Variants in PSMD1 observed in about 807,000 individuals in gnomAD.
PSMD1 encodes proteasome 26S subunit, non-ATPase 1, also known as 26S proteasome non-ATPase regulatory subunit 1.
In PSMD1, 18 loss-of-function variants were observed where a neutral mutation model predicts 119.0. That is an observed-to-expected ratio of 0.15 (90% CI 0.10 to 0.22). The LOEUF (loss-of-function observed/expected upper bound fraction) is 0.22, where lower values mean the gene tolerates loss of function less well. Ranked by LOEUF, PSMD1 falls within the 10% of genes least tolerant of loss-of-function variation. The pLI, the probability that PSMD1 is intolerant of heterozygous loss-of-function variation, is 1.00. For missense variants in PSMD1, 702 were observed against 1,158.5 expected (o/e 0.61, Z 5.72); for synonymous variants, 374 against 396.6 (o/e 0.94, Z 0.68).
At chr2:231,092,433 A>G (rs2125183973) in intron 16 of PSMD1, among the ~76,000 whole-genome samples, 2 of 152,302 alleles carry the variant, frequency 1.3e-5, no homozygotes, top group South Asian at 2.1e-4. Flanking sequence ...GTGATTATGA[A>G]TAAAGGTCAC....
intron 16 of PSMD1, among the ~76,000 whole-genome samples, chr2:231,092,803 T>G (rs1281659351): frequency 6.6e-6 from 1 of 152,204 alleles, no homozygotes; most frequent in East Asian, 1.9e-4. Flanking sequence ...GAAGGAATGT[T>G]GGGGAAAGTG....
At chr2:231,119,481 T>C (rs767535504) in intron 16 of PSMD1, among the ~76,000 whole-genome samples, 1 of 152,208 alleles carries the variant, frequency 6.6e-6, no homozygotes, top group Non-Finnish European at 1.5e-5. Context: ...CCCTGGGATG[T>C]CTTGCTTCAA....
intron 5 of PSMD1, among the ~76,000 whole-genome samples, chr2:231,067,846 G>A (rs187309235): frequency 6.6e-6 from 1 of 151,890 alleles, no homozygotes; most frequent in African/African-American, 2.4e-5. Flanking sequence ...TAGTAGAGTT[G>A]GGGTTTCATC....
chr2:231,089,661 A>T (rs1229058763), intron 16 of PSMD1, among the ~76,000 whole-genome samples: 2 of 152,122 alleles, frequency 1.3e-5, no homozygotes, highest in African/African-American at 2.4e-5. Flanking sequence ...GTCCCACAAT[A>T]GGCTGTCTGC....
intron 16 of PSMD1, among the ~76,000 whole-genome samples, chr2:231,134,552 C>G (rs1221404745): frequency 6.6e-6 from 1 of 152,200 alleles, no homozygotes; most frequent in Non-Finnish European, 1.5e-5. Context: ...AGCTCTGATT[C>G]CTGCCATGCA....
chr2:231,082,965 C>T lies in PSMD1; in HGVS notation c.1496C>T (p.Thr499Ile). Residue 499 changes from threonine to isoleucine, a missense_variant, in exon 13 of 25, where the codon ACA (threonine) becomes ATA (isoleucine). By Grantham distance (89) the Thr-to-Ile change is moderately conservative. Transcript: ENST00000308696. ...ARQDVYDLLKTNLYQDDAVTG... is the reference protein window; with the variant it reads ...ARQDVYDLLKINLYQDDAVTG... ...CAAGATGTTTATGATTTGCTAAAAA[C>T]AAACCTTTATCAGGATGATGCAGTA... The T allele has an allele frequency of 1.2e-6, 2 of 1,613,962 alleles. No homozygotes were observed. Among genetic ancestry groups the T allele is most frequent in the Non-Finnish European group, 1.7e-6 (2 of 1,179,852 alleles).
At chr2:231,086,313 A>G (rs1444762705) in intron 15 of PSMD1, among the ~76,000 whole-genome samples, 4 of 152,180 alleles carry the variant, frequency 2.6e-5, no homozygotes, top group Non-Finnish European at 4.4e-5. Context: ...CAAAAGTGCT[A>G]GGATTACAGG....
chr2:231,117,516 G>A (rs911020767), intron 16 of PSMD1, among the ~76,000 whole-genome samples: 1 of 152,040 alleles, frequency 6.6e-6, no homozygotes, highest in Non-Finnish European at 1.5e-5. Flanking sequence ...GAATATTAAA[G>A]CAACAAAACA....
intron 1 of PSMD1, among the ~76,000 whole-genome samples, chr2:231,059,125 A>G (rs937259863): frequency 6.6e-6 from 1 of 152,246 alleles, no homozygotes; most frequent in African/African-American, 2.4e-5. Flanking sequence ...CGGAAAAAGC[A>G]CTTGGTGACA....
rs142607207 is a variant in PSMD1, at chr2:231,089,463, G to A, written c.1883+2282G>A. Among the ~76,000 whole-genome samples the A allele has an allele frequency of 1.6e-4, 24 of 152,282 alleles. No individual in the cohort carries two copies. The East Asian group carries it at 3.7e-3, about 23-fold the overall frequency. On this transcript the variant is annotated intron_variant, in intron 16 of 24. Transcript: ENST00000308696. ...ACTTTAAGTTGAAGCCAATGCTCTT[G>A]TATCATTCTGAAAATGCTGGGGCCC...
chr2:231,091,967 G>A (rs758129540), intron 16 of PSMD1, among the ~76,000 whole-genome samples: 5 of 152,242 alleles, frequency 3.3e-5, no homozygotes, highest in South Asian at 4.1e-4. Flanking sequence ...GCTTGCAGGC[G>A]TGCAAGAATC....
intron 16 of PSMD1, among the ~76,000 whole-genome samples, chr2:231,107,993 A>G (rs1695017117): frequency 6.6e-6 from 1 of 152,214 alleles, no homozygotes; most frequent in South Asian, 2.1e-4. Context: ...TTTCCTGATC[A>G]GAGGAAAATT....
At position 231,070,028 on chromosome 2, in the gene PSMD1, G is replaced by A; in HGVS notation, c.514G>A (p.Asp172Asn). Reference sequence around the variant, plus strand: ...ATCTTTAAACTATCTCTTTCAGAATGATGTCCCAGGAATGTTAGCTTATAG... The same window carrying A: ...ATCTTTAAACTATCTCTTTCAGAATAATGTCCCAGGAATGTTAGCTTATAG... ...VFEKTILESN[D>N]VPGMLAYSLK... Residue 172 changes from aspartate (D) to asparagine (N), a missense_variant, in exon 6 of 25, where the codon GAT becomes AAT. By Grantham distance (23) the Asp-to-Asn change is conservative. Around this residue, in one of 9 missense-constraint regions of PSMD1, gnomAD observed 58 missense variants for 54.0 expected, o/e 1.07. Coordinates refer to ENST00000308696, the MANE Select transcript of PSMD1 (RefSeq NM_002807.4). 1 of 1,448,368 alleles carries A rather than the reference G, an allele frequency of 6.9e-7. No homozygotes were observed. The highest frequency in any genetic ancestry group is 9.1e-7 in the Non-Finnish European group (1 of 1,093,096). 89.7% of individuals were successfully genotyped at this position (1,448,368 alleles called of 1,614,324 possible).
At chr2:231,092,513 G>T (rs1287776377) in intron 16 of PSMD1, among the ~76,000 whole-genome samples, 5 of 152,296 alleles carry the variant, frequency 3.3e-5, no homozygotes, top group Non-Finnish European at 7.4e-5. Flanking sequence ...GATGTCCCAG[G>T]CACCATAAAG....
At chr2:231,154,857 A>G (rs553580593) in intron 19 of PSMD1, among the ~76,000 whole-genome samples, 1 of 152,364 alleles carries the variant, frequency 6.6e-6, no homozygotes, top group Admixed American at 6.5e-5. Flanking sequence ...TATTTTAAAT[A>G]AATTCTAGCA....
At chr2:231,153,373 A>G (rs991172969) in intron 18 of PSMD1, 191 bp from the exon 19 acceptor site, 20 of 542,112 alleles carry the variant, frequency 3.7e-5, no homozygotes, top group African/African-American at 2.9e-4. Context: ...GTGCTCCCAC[A>G]CTAAAAAGTC....
In PSMD1 at chr2:231,079,398, T is replaced by A. The variant is rs544890411; in HGVS notation, c.1161-138T>A. The A allele has an allele frequency of 1.7e-5, 8 of 473,814 alleles. No homozygotes were observed. The South Asian group carries it at 4.4e-4, about 26-fold the overall frequency. 29.4% of individuals were successfully genotyped at this position (473,814 alleles called of 1,614,324 possible). ...GAACAACTTAAGAGTTAAAATAGAA[T>A]CAGTAGTAACTTGAGATCCACAAAG... On this transcript the variant is annotated intron_variant, in intron 10 of 24. Transcript: ENST00000308696.
At position 231,137,424 on chromosome 2, in the gene PSMD1, A is replaced by T. The variant is rs7593745; in HGVS notation, c.1884-1312A>T. ...GCCACTGTGCCCGCCTTTAATACAC[A>T]TTCTTATGTGTGTTGGTTTTGTCTC... is the stretch of plus-strand genomic sequence containing the variant. On this transcript the variant is annotated intron_variant, in intron 16 of 24. Transcript: ENST00000308696. Among the ~76,000 whole-genome samples, 637 of 152,116 alleles carry T rather than the reference A, an allele frequency of 4.2e-3. 6 individuals are homozygous for T. The highest frequency in any genetic ancestry group is 0.015 in the African/African-American group (619 of 41,500).
chr2:231,113,644 C>T, intron 16 of PSMD1: 1 of 1,204,630 alleles, frequency 8.3e-7, no homozygotes, highest in Non-Finnish European at 1.2e-6. Context: ...TGCTGAGTTT[C>T]ATTGCCTACC....
Sources: allele counts gnomAD v4.1 joint callset (sites outside exome capture counted in the v4.1 genomes callset), GRCh38; gene constraint gnomAD v4.1.1; regional missense constraint gnomAD v4.1.1; transcripts MANE v1.5; gene names NCBI Gene and HGNC (gene_info 2026-07-23, HGNC 2026-07-21).